RPTOR: variants seen among roughly 807,000 people sequenced by gnomAD.
RPTOR encodes the protein regulatory associated protein of MTOR complex 1, also known as regulatory-associated protein of mTOR.
A neutral mutation model predicts 169.9 loss-of-function variants in RPTOR; 21 were observed. The ratio of observed to expected loss-of-function variants is 0.12; its 90% CI spans 0.09 to 0.18. The LOEUF (loss-of-function observed/expected upper bound fraction) is 0.18, where lower values mean the gene tolerates loss of function less well. RPTOR is among the 10% of genes least tolerant of loss of function. The pLI is 1.00. For missense variants in RPTOR, 1,133 were observed against 1,855.9 expected, an observed-to-expected ratio of 0.61 and a Z score of 7.16; for synonymous variants, 732 against 753.2, an observed-to-expected ratio of 0.97 and a Z score of 0.46.
At chr17:80,909,363 G>A (rs1328178503) in intron 21 of RPTOR, among the ~76,000 whole-genome samples, 1 of 151,874 alleles carries the variant, frequency 6.6e-6, no homozygotes, top group Non-Finnish European at 1.5e-5. Context: ...TTACAAGCGT[G>A]AGCCACTGCA....
Position 80,838,058 on chromosome 17 carries a change from G to T in RPTOR, c.1212+61G>T. On this transcript the variant is annotated intron_variant, in intron 10 of 33. Coordinates refer to ENST00000306801, the MANE Select transcript of RPTOR (RefSeq NM_020761.3). ...CGGCAGCCACTTCTCTGGGCACCTGGACTGCAAAGCCCCCAGACTGGGGGT... is the reference window on the plus strand; with the variant it reads ...CGGCAGCCACTTCTCTGGGCACCTGTACTGCAAAGCCCCCAGACTGGGGGT... The T allele has an allele frequency of 2.1e-6, 3 of 1,419,556 alleles. No homozygotes were observed. In the South Asian group the frequency reaches 3.6e-5, roughly 17 times the overall value. The allele number at this position is 1,419,556 out of a possible 1,614,324, so 87.9% of individuals were successfully genotyped here. A position where few individuals can be genotyped will look rare whatever the true frequency, so the allele number is the denominator to read the frequency against.
intron 4 of RPTOR, among the ~76,000 whole-genome samples, chr17:80,729,713 G>A (rs538178221): frequency 2.4e-4 from 37 of 152,306 alleles, no homozygotes; most frequent in African/African-American, 8.4e-4. Flanking sequence ...TTGAGGACCC[G>A]GCCAACTCTT....
At chr17:80,760,470 T>C (rs2066725562) in intron 6 of RPTOR, among the ~76,000 whole-genome samples, 1 of 151,688 alleles carries the variant, frequency 6.6e-6, no homozygotes, top group Non-Finnish European at 1.5e-5. Flanking sequence ...CCTGGCTAAT[T>C]TTTGTATTTT....
chr17:80,609,949 G>C lies in RPTOR; in HGVS notation c.163-15742G>C, dbSNP rs929512712. ...AGCACATTCCCCTGCAGTGCCTGCT[G>C]GGTCCTGGAACGAGGCCTTCCAGCA... On this transcript the variant is annotated intron_variant, in intron 1 of 33. Transcript: ENST00000306801. This position sits in a 1 kb window ranked among gnomAD's most constrained non-coding sequence, Gnocchi z 4.8. Among the ~76,000 whole-genome samples the C allele has an allele frequency of 1.3e-5, 2 of 151,908 alleles. No individual in the cohort carries two copies. Among genetic ancestry groups the C allele is most frequent in the Non-Finnish European group, 2.9e-5 (2 of 67,946 alleles).
chr17:80,893,899 G>T (rs756195666), intron 20 of RPTOR, 34 bp downstream of exon 20: 7 of 1,504,618 alleles, frequency 4.7e-6, no homozygotes, highest in South Asian at 1.3e-5. Context: ...CTTCCGAGGG[G>T]CCCCGAGGGT....
At chr17:80,855,686 G>A (rs1391237958) in intron 12 of RPTOR, 139 bp downstream of exon 12, 2 of 684,956 alleles carry the variant, frequency 2.9e-6, no homozygotes, top group African/African-American at 3.5e-5. Flanking sequence ...CCACCGTGTT[G>A]GTGTCCTGTC....
chr17:80,806,203 C>A (rs1317156349), intron 7 of RPTOR, among the ~76,000 whole-genome samples: 1 of 152,172 alleles, frequency 6.6e-6, no homozygotes, highest in African/African-American at 2.4e-5. Flanking sequence ...TCACTCCAAA[C>A]CATTTCGGTA....
intron 2 of RPTOR, among the ~76,000 whole-genome samples, chr17:80,637,749 G>A (rs1157975297): frequency 6.6e-6 from 1 of 152,236 alleles, no homozygotes; most frequent in African/African-American, 2.4e-5. Flanking sequence ...AGGTTTGTCA[G>A]ATGTGTGGAA....
At chr17:80,626,040 T>G (rs2065391530) in intron 2 of RPTOR, among the ~76,000 whole-genome samples, 1 of 152,178 alleles carries the variant, frequency 6.6e-6, no homozygotes, top group Non-Finnish European at 1.5e-5. Context: ...AATTTTCTAC[T>G]TTATTTTTTT....
intron 4 of RPTOR, among the ~76,000 whole-genome samples, chr17:80,713,670 A>G (rs998751215): frequency 2.6e-5 from 4 of 152,202 alleles, no homozygotes. Context: ...GGCTCTATTA[A>G]TCAGAGAAAA....
At chr17:80,877,509 C>G (rs970791432) in intron 13 of RPTOR, among the ~76,000 whole-genome samples, 6 of 152,194 alleles carry the variant, frequency 3.9e-5, no homozygotes, top group African/African-American at 1.4e-4. Flanking sequence ...TTGCATGCCT[C>G]AAATTCAGAA....
intron 25 of RPTOR, among the ~76,000 whole-genome samples, chr17:80,944,675 C>T (rs982785248): frequency 2.0e-5 from 3 of 152,136 alleles, no homozygotes; most frequent in Admixed American, 1.3e-4. Context: ...TGATAAGATA[C>T]GTCGTGAATA....
chr17:80,691,022 T>C (rs993666802), intron 3 of RPTOR, among the ~76,000 whole-genome samples: 4 of 152,170 alleles, frequency 2.6e-5, no homozygotes, highest in African/African-American at 4.8e-5. Context: ...TTTTAATTCC[T>C]GGCCTCAAGC....
intron 3 of RPTOR, among the ~76,000 whole-genome samples, chr17:80,688,623 G>T (rs529607717): frequency 2.0e-5 from 3 of 152,222 alleles, no homozygotes; most frequent in Non-Finnish European, 2.9e-5. Context: ...GCTTCCTGTG[G>T]GTTCCACTGG....
At chr17:80,891,608 C>T in intron 17 of RPTOR, 112 bp from the exon 18 acceptor site, 1 of 737,234 alleles carries the variant, frequency 1.4e-6, no homozygotes, top group Non-Finnish European at 2.3e-6. Context: ...ATGCCAATTG[C>T]ACGGTTTTGT....
chr17:80,548,861 C>G (rs1179159508), intron 1 of RPTOR, among the ~76,000 whole-genome samples: 1 of 152,218 alleles, frequency 6.6e-6, no homozygotes, highest in Non-Finnish European at 1.5e-5. Context: ...TGGCCACTGA[C>G]TGTCCTAAAT....
At position 80,936,948 on chromosome 17, in the gene RPTOR, T is replaced by C. The variant is rs2333885; in HGVS notation, c.2920-3548T>C. On this transcript the variant is annotated intron_variant, in intron 24 of 33. Coordinates refer to ENST00000306801, the MANE Select transcript of RPTOR (RefSeq NM_020761.3). The surrounding 1 kb of genome is among the most constrained non-coding windows in gnomAD (Gnocchi z 4.1). ...TACACGAGACACTGGCAGAATCAAA[T>C]CACCTCTGTTGCCTGTGGACTCACG... 0.39 allele frequency among the ~76,000 whole-genome samples: 59,894 copies of C among 152,124 alleles called. 12,278 individuals carry two copies. Among genetic ancestry groups the C allele is most frequent in the East Asian group, 0.55 (2,829 of 5,170 alleles).
rs1360139673 is a variant in RPTOR at position 80,743,898 on chromosome 17, GTTA to G, written c.655-10111_655-10109del. 5.3e-5 allele frequency among the ~76,000 whole-genome samples: 5 copies of G among 95,078 alleles called. 1 individual carries two copies. The highest frequency in any genetic ancestry group is 9.2e-5 in the African/African-American group (2 of 21,656). 62.4% of individuals were successfully genotyped at this position (95,078 alleles called of 152,430 possible). ...AGCCCTGGCTACTAGCACTGTCCTG[GTTA>G]CGAGCACAGCCCTGGTTACTAGCAG... On this transcript the variant is annotated intron_variant, in intron 5 of 33. Coordinates refer to ENST00000306801, the MANE Select transcript of RPTOR (RefSeq NM_020761.3).
At chr17:80,644,327 G>A (rs1230084416) in intron 3 of RPTOR, among the ~76,000 whole-genome samples, 1 of 25,808 alleles carries the variant, frequency 3.9e-5, no homozygotes. Flanking sequence ...TTTTTTTTTT[G>A]GCTTATATCT....
Sources: gnomAD v4.1 joint callset for allele counts (sites outside exome capture counted in the v4.1 genomes callset) on GRCh38, gnomAD v4.1.1 for gene constraint, Gnocchi (gnomAD v3.1) non-coding constraint, MANE v1.5 for transcripts, NCBI Gene and HGNC (gene_info 2026-07-23, HGNC 2026-07-21) for gene names.